Variants in PIEZO2 observed in about 807,000 individuals in gnomAD.
The protein encoded by PIEZO2 is piezo-type mechanosensitive ion channel component 2.
A neutral mutation model predicts 337.3 loss-of-function variants in PIEZO2; 172 were observed. The ratio of observed to expected loss-of-function variants is 0.51; its 90% confidence interval spans 0.45 to 0.58. PIEZO2 has a LOEUF of 0.58. Ranked by LOEUF, PIEZO2 falls within the 20% of genes least tolerant of loss-of-function variation. The probability of loss-of-function intolerance (pLI) is 0.00; values close to 1 mark genes in which losing one functional copy is unlikely to be tolerated. For synonymous variants in PIEZO2, 1,251 were observed against 1,228.5 expected, an observed-to-expected ratio of 1.02 and a Z score of -0.38; for missense variants, 3,028 against 3,391.3, an observed-to-expected ratio of 0.89 and a Z score of 2.66.
Position 10,993,549 on chromosome 18 carries a change from C to T in PIEZO2, c.161-13889G>A, listed in dbSNP as rs143600949. Among the ~76,000 whole-genome samples, 2,182 of 151,904 alleles carry T rather than the reference C, an allele frequency of 0.014. 57 individuals carry two copies. Among genetic ancestry groups the T allele is most frequent in the African/African-American group, 0.048 (1,991 of 41,342 alleles). Reference sequence around the variant, plus strand: ...TGTTGTTGTTGTTGTTGTTTTGAGGCGGAGTCTCGCTCTGTGGCCCAGGCT... The same window carrying T: ...TGTTGTTGTTGTTGTTGTTTTGAGGTGGAGTCTCGCTCTGTGGCCCAGGCT... On this transcript the variant is annotated intron_variant, in intron 2 of 55. Coordinates refer to ENST00000674853, the MANE Select transcript of PIEZO2 (RefSeq NM_001378183.1). This position sits in a 1 kb window ranked among gnomAD's most constrained non-coding sequence, Gnocchi z 5.0.
chr18:10,779,092 G>T (rs1293651564), intron 18 of PIEZO2, among the ~76,000 whole-genome samples: 1 of 152,070 alleles, frequency 6.6e-6, no homozygotes, highest in East Asian at 1.9e-4. Flanking sequence ...TTTTCAGGTT[G>T]TCAAAAACCA....
chr18:10,867,385 T>C (rs1217323723), intron 5 of PIEZO2, among the ~76,000 whole-genome samples: 1 of 152,206 alleles, frequency 6.6e-6, no homozygotes, highest in Non-Finnish European at 1.5e-5. Flanking sequence ...AGAATGCAGA[T>C]GCTGTGACAG....
At chr18:11,043,724 T>A (rs1446864692) in intron 2 of PIEZO2, among the ~76,000 whole-genome samples, 2 of 152,136 alleles carry the variant, frequency 1.3e-5, no homozygotes, top group African/African-American at 2.4e-5. Flanking sequence ...AGACCGAGTC[T>A]TGCTCTGTTG....
intron 2 of PIEZO2, among the ~76,000 whole-genome samples, chr18:11,052,797 T>C (rs1018687638): frequency 1.3e-5 from 2 of 152,240 alleles, no homozygotes; most frequent in African/African-American, 4.8e-5. Context: ...ATATTATCTA[T>C]GTAACATACA....
intron 55 of PIEZO2, 114 bp from the exon 56 acceptor site, chr18:10,671,893 G>C (rs568876689): frequency 1.0e-6 from 1 of 980,466 alleles, no homozygotes; most frequent in South Asian, 2.4e-5. Context: ...GAAGAAATAA[G>C]CAAATCAAAT....
In PIEZO2 at chr18:10,742,541, G is replaced by T. The variant is rs762230112; in HGVS notation, c.4589C>A (p.Pro1530Gln). 1.4e-5 allele frequency: 21 copies of T among 1,537,082 alleles called. No homozygotes were observed. Among genetic ancestry groups the T allele is most frequent in the Non-Finnish European group, 1.8e-5 (21 of 1,146,872 alleles). Residue 1530 changes from proline (P) to glutamine (Q), a missense_variant, in exon 32 of 56, where the codon CCA (proline) becomes CAA (glutamine). By Grantham distance (76) the Pro-to-Gln change is moderately conservative. Around this residue, in one of 5 missense-constraint regions of PIEZO2, gnomAD observed 1,925 missense variants for 2,051.9 expected, o/e 0.94. Transcript: ENST00000674853. ...KERMLSLTQE[P>Q]GEGQDMQKLS... ...TTTTTGCATGTCCTGGCCTTCCCCT[G>T]GCTCCTGGGTCAAGCTCAGCATCCT...
rs141153359 is a variant in PIEZO2, at chr18:10,942,543, C to A, written c.287-31315G>T. Among the ~76,000 whole-genome samples the A allele has an allele frequency of 2.6e-5, 4 of 152,080 alleles. No homozygotes were observed. Among genetic ancestry groups the A allele is most frequent in the East Asian group, 1.9e-4 (1 of 5,184 alleles). On this transcript the variant is annotated intron_variant, in intron 3 of 55. Coordinates refer to ENST00000674853, the MANE Select transcript of PIEZO2 (RefSeq NM_001378183.1). The surrounding 1 kb of genome is among the most constrained non-coding windows in gnomAD (Gnocchi z 4.4). ...GAGAGAGATGATTTAGGGTATCTGG[C>A]GGAAGAAATTTCTAAGCAACAAAGT...
chr18:10,696,394 C>T lies in PIEZO2; in HGVS notation c.6973G>A (p.Gly2325Arg). The T allele has an allele frequency of 1.9e-6, 3 of 1,614,188 alleles. No individual in the cohort carries two copies. The highest frequency in any genetic ancestry group is 2.5e-6 in the Non-Finnish European group (3 of 1,180,034). Residue 2325 changes from glycine to arginine, a missense_variant and splice_region_variant, in exon 46 of 56, where the codon GGG becomes AGG. Physicochemically the swap from Gly to Arg is moderately radical, Grantham distance 125. Transcript: ENST00000674853. ...CTGTGGCCTTTGCCCCAACCTACCC[C>T]AAAGGCCCAAAAGCCGAAGACAATG... ...IIIVFGFWAFGKHSAAADITS... is the reference protein window; with the variant it reads ...IIIVFGFWAFRKHSAAADITS...
rs1237681089 is a variant in PIEZO2 at position 10,837,582 on chromosome 18, C to T, written c.917+17771G>A. Among the ~76,000 whole-genome samples, 3 of 152,150 alleles carry T rather than the reference C, an allele frequency of 2.0e-5. No individual in the cohort carries two copies. The highest frequency in any genetic ancestry group is 7.2e-5 in the African/African-American group (3 of 41,432). ...CTTCCCAATCCAAAATTCTATGGTACAATCTATGTAAGAAAAGGCCTAAAA... is the reference window on the plus strand; with the variant it reads ...CTTCCCAATCCAAAATTCTATGGTATAATCTATGTAAGAAAAGGCCTAAAA... On this transcript the variant is annotated intron_variant, in intron 7 of 55. Transcript: ENST00000674853. This position sits in a 1 kb window ranked among gnomAD's most constrained non-coding sequence, Gnocchi z 4.4.
At chr18:10,920,674 G>A (rs1377549660) in intron 3 of PIEZO2, among the ~76,000 whole-genome samples, 3 of 152,008 alleles carry the variant, frequency 2.0e-5, no homozygotes, top group South Asian at 2.1e-4. Flanking sequence ...GACACAAGAC[G>A]GCCAATCATA....
In PIEZO2 at chr18:10,676,554, G is replaced by T. The variant is rs771310186; in HGVS notation, c.8081+1193C>A. Among the ~76,000 whole-genome samples, 3 of 152,140 alleles carry T rather than the reference G, an allele frequency of 2.0e-5. No individual in the cohort carries two copies. The South Asian group carries it at 6.2e-4, about 31-fold the overall frequency. On this transcript the variant is annotated intron_variant, in intron 53 of 55. Transcript: ENST00000674853. The surrounding 1 kb of genome is among the most constrained non-coding windows in gnomAD (Gnocchi z 5.1). ...CTTTTACCCCTTGTCCTCCTCAACC[G>T]TGTATACTCTACCCCCATTCAGAGA...
At position 10,993,750 on chromosome 18, in the gene PIEZO2, A is replaced by G. The variant is rs550513008; in HGVS notation, c.161-14090T>C. Among the ~76,000 whole-genome samples, 24 of 152,164 alleles carry G rather than the reference A, an allele frequency of 1.6e-4. No homozygotes were observed. In the South Asian group the frequency reaches 4.4e-3, roughly 28 times the overall value. On this transcript the variant is annotated intron_variant, in intron 2 of 55. Coordinates refer to ENST00000674853, the MANE Select transcript of PIEZO2 (RefSeq NM_001378183.1). The surrounding 1 kb of genome is among the most constrained non-coding windows in gnomAD (Gnocchi z 5.0). ...CACCATGTTAGCCAGGATGGTCTCG[A>G]TCTCCTGACTTCGTGATCTGCCCGC...
chr18:11,052,554 A>G (rs1191602411), intron 2 of PIEZO2, among the ~76,000 whole-genome samples: 1 of 152,154 alleles, frequency 6.6e-6, no homozygotes, highest in Non-Finnish European at 1.5e-5. Context: ...ATCAGTTTAG[A>G]GAAATAAAAG....
chr18:11,018,211 GGTGGTGGTGGTGT>G (rs2036185295), intron 2 of PIEZO2, among the ~76,000 whole-genome samples: 3 of 143,944 alleles, frequency 2.1e-5, no homozygotes, highest in African/African-American at 7.8e-5. Flanking sequence ...TGGTGGTGGT[GGTGGTGGTGGTGT>G]GTGTGTGTGT....
At position 10,784,688 on chromosome 18, in the gene PIEZO2, T is replaced by TCA; in HGVS notation, c.2492+95_2492+96insTG. The TCA allele has an allele frequency of 2.5e-6, 3 of 1,208,930 alleles. No individual in the cohort carries two copies. The highest frequency in any genetic ancestry group is 3.3e-6 in the Non-Finnish European group (3 of 903,928). The allele number at this position is 1,208,930 out of a possible 1,614,324, so 74.9% of individuals were successfully genotyped here. A position where few individuals can be genotyped will look rare whatever the true frequency, so the allele number is the denominator to read the frequency against. On this transcript the variant is annotated intron_variant, in intron 17 of 55. Transcript: ENST00000674853. This position sits in a 1 kb window ranked among gnomAD's most constrained non-coding sequence, Gnocchi z 4.5. ...ATGGAAAATTCAAGGCTGAAACTTT[T>TCA]AGATTACTGGCTTCTCGCAAGGTGG...
rs983007999 is a variant in PIEZO2 at position 10,763,001 on chromosome 18, G to A, written c.3044C>T (p.Thr1015Met). The A allele has an allele frequency of 9.1e-6, 14 of 1,537,306 alleles. No homozygotes were observed. The highest frequency in any genetic ancestry group is 1.1e-5 in the Non-Finnish European group (13 of 1,146,912). Residue 1015 changes from threonine (T) to methionine (M), a missense_variant, in exon 22 of 56, where the codon ACG becomes ATG. By Grantham distance (81) the Thr-to-Met change is moderately conservative (BLOSUM62 -1). Around this residue, in one of 5 missense-constraint regions of PIEZO2, gnomAD observed 1,925 missense variants for 2,051.9 expected, o/e 0.94. Coordinates refer to ENST00000674853, the MANE Select transcript of PIEZO2 (RefSeq NM_001378183.1). ...CATTTTGCAGACGATGATCACACAC[G>A]TCCAGACTGTGCAGACACTTGAAGC... ...RLASSVCTVW[T>M]CVIIVCKMLY... is the part of the protein sequence containing the mutation.
At chr18:10,946,056 A>G (rs920155411) in intron 3 of PIEZO2, among the ~76,000 whole-genome samples, 13 of 152,216 alleles carry the variant, frequency 8.5e-5, no homozygotes, top group Non-Finnish European at 1.3e-4. Flanking sequence ...TTGGACCCCA[A>G]AATCATGGCA....
chr18:10,872,286 T>A lies in PIEZO2; in HGVS notation c.330-871A>T, dbSNP rs527239831. Among the ~76,000 whole-genome samples, 30 of 152,282 alleles carry A rather than the reference T, an allele frequency of 2.0e-4. No individual in the cohort carries two copies. The South Asian group carries it at 3.7e-3, about 19-fold the overall frequency. ...TATAATTGAGATCCTGAAACAAATA[T>A]ATTTAATAATATAGCAGGCAGCAAA... is the stretch of plus-strand genomic sequence containing the variant. On this transcript the variant is annotated intron_variant, in intron 4 of 55. Transcript: ENST00000674853. This position sits in a 1 kb window ranked among gnomAD's most constrained non-coding sequence, Gnocchi z 4.3.
At chr18:10,947,386 ACTGT>A (rs1465344206) in intron 3 of PIEZO2, among the ~76,000 whole-genome samples, 2 of 152,204 alleles carry the variant, frequency 1.3e-5, no homozygotes, top group Non-Finnish European at 1.5e-5. Flanking sequence ...AAAGAAAATA[ACTGT>A]CTGTTGTAAA....
Sources: gnomAD v4.1 joint callset for allele counts (sites outside exome capture counted in the v4.1 genomes callset) on GRCh38, gnomAD v4.1.1 for gene constraint, gnomAD v4.1.1 regional missense constraint, Gnocchi (gnomAD v3.1) non-coding constraint, MANE v1.5 for transcripts, NCBI Gene and HGNC (gene_info 2026-07-23, HGNC 2026-07-21) for gene names.